Variants in PFKP observed in about 807,000 individuals in gnomAD.
The protein encoded by PFKP is ATP-dependent 6-phosphofructokinase, platelet type.
A neutral mutation model predicts 94.3 loss-of-function variants in PFKP; 101 were observed. The ratio of observed to expected loss-of-function variants is 1.07; its 90% CI spans 0.91 to 1.26. The LOEUF (loss-of-function observed/expected upper bound fraction) is 1.26, where lower values mean the gene tolerates loss of function less well. Among genes scored for constraint, PFKP ranks in the 50% most tolerant of loss-of-function variants. The pLI, the probability that PFKP is intolerant of heterozygous loss-of-function variation, is 0.00. For missense variants in PFKP, 1,145 were observed against 1,103.3 expected (o/e 1.04, Z -0.53); for synonymous variants, 573 against 432.6 (o/e 1.32, Z -4.03).
intron 4 of PFKP, among the ~76,000 whole-genome samples, chr10:3,102,095 C>CA (rs1355709697): frequency 2.0e-5 from 3 of 150,568 alleles, no homozygotes; most frequent in African/African-American, 7.3e-5. Context: ...ACTAAAAATA[C>CA]AAAAAATTAG....
intron 3 of PFKP, chr10:3,100,895 C>G: frequency 7.9e-7 from 1 of 1,265,428 alleles, no homozygotes. Context: ...CCCCTGGCCC[C>G]AGGTTCCTGC....
chr10:3,091,623 C>T (rs76879821), intron 2 of PFKP, among the ~76,000 whole-genome samples: 31,647 of 151,726 alleles, frequency 0.21, 3,980 homozygotes, highest in African/African-American at 0.37. Flanking sequence ...AAGACCAGCG[C>T]GGCCAACATG....
intron 1 of PFKP, among the ~76,000 whole-genome samples, chr10:3,075,153 C>T (rs1286214561): frequency 6.6e-6 from 1 of 152,208 alleles, no homozygotes; most frequent in Non-Finnish European, 1.5e-5. Flanking sequence ...TGCCTTTAAG[C>T]AGTTTTCCAC....
At chr10:3,122,518 G>A (rs1388619122) in intron 16 of PFKP, among the ~76,000 whole-genome samples, 2 of 152,230 alleles carry the variant, frequency 1.3e-5, no homozygotes, top group Non-Finnish European at 2.9e-5. Context: ...AACTGGGCTC[G>A]TCTGGCCATA....
chr10:3,080,491 T>C (rs1435683054), intron 1 of PFKP, among the ~76,000 whole-genome samples: 1 of 121,258 alleles, frequency 8.2e-6, no homozygotes, highest in Non-Finnish European at 1.6e-5. Flanking sequence ...CACTCCAGCC[T>C]GGGAGACAGA....
intron 16 of PFKP, among the ~76,000 whole-genome samples, chr10:3,122,027 G>A (rs1311369876): frequency 6.6e-6 from 1 of 151,418 alleles, no homozygotes; most frequent in African/African-American, 2.4e-5. Flanking sequence ...TCCCTGTGTT[G>A]CCCAGGCTGG....
chr10:3,067,914 G>A (rs986244858), intron 1 of PFKP, among the ~76,000 whole-genome samples: 2 of 152,212 alleles, frequency 1.3e-5, no homozygotes, highest in South Asian at 4.1e-4. Context: ...GGAAGCGGCA[G>A]GGGTACCTGC....
Position 3,136,664 on chromosome 10 carries a change from C to A in PFKP, c.*85C>A. The A allele has an allele frequency of 6.9e-7, 1 of 1,449,774 alleles. No individual in the cohort carries two copies. The highest frequency in any genetic ancestry group is 1.9e-5 in the Admixed American group (1 of 53,216). 89.8% of individuals were successfully genotyped at this position (1,449,774 alleles called of 1,614,324 possible). A position where few individuals can be genotyped will look rare whatever the true frequency, so the allele number is the denominator to read the frequency against. ...AGTTATTTTATCAGCACTTTATGCA[C>A]GTATTATTGACATTAATACCTAATC... On this transcript the variant is annotated 3_prime_UTR_variant, in exon 22 of 22. Transcript: ENST00000381125.
Position 3,111,060 on chromosome 10 carries a change from ATGTG to A in PFKP, c.1090-1157_1090-1154del, listed in dbSNP as rs373343895. ...TGTATGTTTATATGCATGTGTATAT[ATGTG>A]TGTGAGGTAATGCATCTGCATGTGT... On this transcript the variant is annotated intron_variant, in intron 10 of 21. Coordinates refer to ENST00000381125, the MANE Select transcript of PFKP (RefSeq NM_002627.5). Among the ~76,000 whole-genome samples the A allele has an allele frequency of 9.0e-3, 1,343 of 149,878 alleles. 24 individuals carry two copies. The highest frequency in any genetic ancestry group is 0.031 in the African/African-American group (1,276 of 40,562).
chr10:3,136,669 T>G lies in PFKP; in HGVS notation c.*90T>G. Reference sequence around the variant, plus strand: ...TTTTATCAGCACTTTATGCACGTATTATTGACATTAATACCTAATCGGCGA... The same window carrying G: ...TTTTATCAGCACTTTATGCACGTATGATTGACATTAATACCTAATCGGCGA... On this transcript the variant is annotated 3_prime_UTR_variant, in exon 22 of 22. Coordinates refer to ENST00000381125, the MANE Select transcript of PFKP (RefSeq NM_002627.5). The G allele has an allele frequency of 1.4e-6, 2 of 1,414,450 alleles. No individual in the cohort carries two copies. The highest frequency in any genetic ancestry group is 1.9e-6 in the Non-Finnish European group (2 of 1,025,646). The allele number at this position is 1,414,450 out of a possible 1,614,324, so 87.6% of individuals were successfully genotyped here.
At chr10:3,118,712 C>T (rs3829911) in intron 14 of PFKP, 70 bp from the exon 15 acceptor site, 204,277 of 1,072,252 alleles carry the variant, frequency 0.19, 20,708 homozygotes, top group African/African-American at 0.31. Context: ...GGGTGGGGAC[C>T]GGCGTGGCGT....
intron 11 of PFKP, 133 bp downstream of exon 11, chr10:3,112,419 G>GCACC (rs1836340449): frequency 1.4e-6 from 1 of 731,244 alleles, no homozygotes; most frequent in East Asian, 2.5e-5. Flanking sequence ...AGTACTCACA[G>GCACC]CACCGCTCTT....
At chr10:3,099,201 T>A in intron 2 of PFKP, 74 bp from the exon 3 acceptor site, 1 of 1,196,246 alleles carries the variant, frequency 8.4e-7, no homozygotes, top group Non-Finnish European at 1.2e-6. Context: ...TTTCCCGTTT[T>A]ATATAATTTA....
intron 8 of PFKP, chr10:3,107,626 C>T (rs1471580944): frequency 4.6e-6 from 2 of 436,200 alleles, no homozygotes; most frequent in East Asian, 1.6e-4. Context: ...ATGAGCTGCT[C>T]TGAGAATGAG....
chr10:3,095,730 T>A (rs954061781), intron 2 of PFKP, among the ~76,000 whole-genome samples: 2 of 152,250 alleles, frequency 1.3e-5, no homozygotes, highest in Non-Finnish European at 2.9e-5. Flanking sequence ...TCATCTGAAT[T>A]TCTACGTTGT....
chr10:3,099,881 G>GGT (rs1003125666), intron 3 of PFKP, among the ~76,000 whole-genome samples: 74 of 151,792 alleles, frequency 4.9e-4, no homozygotes, highest in African/African-American at 1.7e-3. Flanking sequence ...TGTGAATCTC[G>GGT]GTGTGTGTGT....
intron 13 of PFKP, 36 bp downstream of exon 13, chr10:3,113,554 C>G (rs757245304): frequency 1.2e-6 from 2 of 1,601,542 alleles, no homozygotes; most frequent in South Asian, 2.2e-5. Flanking sequence ...AGGCAGACAC[C>G]CTGGCTGTGA....
At chr10:3,069,963 A>G (rs535328175) in intron 1 of PFKP, among the ~76,000 whole-genome samples, 1 of 152,360 alleles carries the variant, frequency 6.6e-6, no homozygotes, top group South Asian at 2.1e-4. Context: ...GGAAAATGAT[A>G]CTTTGGAAAC....
intron 4 of PFKP, among the ~76,000 whole-genome samples, chr10:3,102,026 C>T (rs535415171): frequency 1.3e-3 from 197 of 151,780 alleles, no homozygotes; most frequent in African/African-American, 4.1e-3. Flanking sequence ...CCGAGGCGGG[C>T]GGATCACGAG....
Sources: gnomAD v4.1 joint callset for allele counts (sites outside exome capture counted in the v4.1 genomes callset) on GRCh38, gnomAD v4.1.1 for gene constraint, MANE v1.5 for transcripts, NCBI Gene and HGNC (gene_info 2026-07-23, HGNC 2026-07-21) for gene names.